Variants in KYAT3 observed in about 807,000 individuals in gnomAD.
KYAT3 encodes the protein kynurenine--oxoglutarate transaminase 3.
KYAT3 carries 50 observed loss-of-function variants against 59.0 expected under a neutral mutation model. The ratio of observed to expected loss-of-function variants is 0.85; its 90% CI spans 0.68 to 1.07. The LOEUF (loss-of-function observed/expected upper bound fraction) is 1.07, where lower values mean the gene tolerates loss of function less well. KYAT3 is among the 50% of genes least tolerant of loss of function. The pLI, the probability that KYAT3 is intolerant of heterozygous loss-of-function variation, is 0.00. For synonymous variants in KYAT3, 148 were observed against 177.0 expected (o/e 0.84, Z 1.30); for missense variants, 497 against 533.3 (o/e 0.93, Z 0.67).
At chr1:88,969,840 T>A (rs2810876) in intron 2 of KYAT3, among the ~76,000 whole-genome samples, 67,386 of 151,908 alleles carry the variant, frequency 0.44, 16,060 homozygotes, top group South Asian at 0.68. Flanking sequence ...GTATATTTTA[T>A]AGAGACAGGG....
intron 2 of KYAT3, chr1:88,979,908 A>C (rs1288197364): frequency 6.6e-6 from 1 of 152,250 alleles, no homozygotes; most frequent in Non-Finnish European, 1.5e-5. Context: ...CCCAAACTGG[A>C]AACAATCCCA....
intron 10 of KYAT3, among the ~76,000 whole-genome samples, chr1:88,951,221 C>CT (rs1158657091): frequency 2.6e-5 from 4 of 151,648 alleles, no homozygotes; most frequent in Admixed American, 6.6e-5. Context: ...CTATCAACAT[C>CT]TTTTTTTTCT....
At chr1:88,933,991 A>T (rs1263339892), downstream of KYAT3, among the ~76,000 whole-genome samples, 1 of 152,220 alleles carries the variant, frequency 6.6e-6, no homozygotes, top group African/African-American at 2.4e-5. Flanking sequence ...GATGATGCAG[A>T]CAAGTCACAG....
intron 11 of KYAT3, among the ~76,000 whole-genome samples, chr1:88,948,270 A>G (rs959235139): frequency 6.6e-6 from 1 of 152,230 alleles, no homozygotes; most frequent in Non-Finnish European, 1.5e-5. Context: ...TTTCAAGTTC[A>G]TTGGCATATA....
At chr1:88,972,084 T>C (rs1000608555) in intron 2 of KYAT3, among the ~76,000 whole-genome samples, 3 of 152,220 alleles carry the variant, frequency 2.0e-5, no homozygotes, top group African/African-American at 7.2e-5. Flanking sequence ...ACATTTATTT[T>C]AAGGAACTGG....
chr1:88,981,554 A>C (rs1330054562), intron 2 of KYAT3: 1 of 156,276 alleles, frequency 6.4e-6, no homozygotes, highest in Non-Finnish European at 1.5e-5. Context: ...CCTGAGATCC[A>C]CAGGAACCCT....
At chr1:88,957,108 T>C (rs1675953510) in intron 8 of KYAT3, among the ~76,000 whole-genome samples, 1 of 152,312 alleles carries the variant, frequency 6.6e-6, no homozygotes, top group East Asian at 1.9e-4. Context: ...AACGTATAAG[T>C]AATTTCAGTC....
At chr1:88,953,545 CAAAAAA>C (rs67537454) in intron 9 of KYAT3, among the ~76,000 whole-genome samples, 4,404 of 100,946 alleles carry the variant, frequency 0.044, 216 homozygotes, top group African/African-American at 0.14. Flanking sequence ...GACTCTATCT[CAAAAAA>C]AAAAAAAAAA....
At position 88,955,137 on chromosome 1, in the gene KYAT3, T is replaced by C; in HGVS notation, c.864+12A>G. Reference sequence around the variant, plus strand: ...GCCTATTTTTAAGCAATTAAATTCTTACTCATCTTACCTTCCAGCCAGTTA... The same window carrying C: ...GCCTATTTTTAAGCAATTAAATTCTCACTCATCTTACCTTCCAGCCAGTTA... On this transcript the variant is annotated intron_variant, in intron 9 of 13. Coordinates refer to ENST00000260508, the MANE Select transcript of KYAT3 (RefSeq NM_001008661.3). The C allele has an allele frequency of 6.4e-7, 1 of 1,554,360 alleles. No individual in the cohort carries two copies. The highest frequency in any genetic ancestry group is 8.9e-7 in the Non-Finnish European group (1 of 1,126,382).
chr1:88,943,587 G>A (rs920055874), intron 11 of KYAT3, among the ~76,000 whole-genome samples, 164 bp from the exon 12 acceptor site: 3 of 152,154 alleles, frequency 2.0e-5, no homozygotes, highest in African/African-American at 4.8e-5. Context: ...ACACTGTACG[G>A]TGGGGTGGGA....
the KYAT3 span, among the ~76,000 whole-genome samples, chr1:88,930,253 G>A: frequency 1.3e-5 from 2 of 152,182 alleles, no homozygotes; most frequent in Middle Eastern, 3.2e-3. Context: ...GACATCTCAT[G>A]ATGTGAATGG....
intron 2 of KYAT3, chr1:88,984,096 C>T (rs1557707443): frequency 4.4e-6 from 2 of 457,140 alleles, no homozygotes; most frequent in East Asian, 7.7e-5. Context: ...GAAAGTAAAA[C>T]TCAGAAGTGG....
At chr1:88,959,134 GC>G (rs1429379419) in intron 8 of KYAT3, among the ~76,000 whole-genome samples, 3 of 151,958 alleles carry the variant, frequency 2.0e-5, no homozygotes, top group Non-Finnish European at 4.4e-5. Flanking sequence ...TAAAAAATTA[GC>G]CAGATGAGGG....
intron 8 of KYAT3, among the ~76,000 whole-genome samples, chr1:88,955,433 A>G (rs1375591530): frequency 6.6e-6 from 1 of 152,152 alleles, no homozygotes. Flanking sequence ...TGTTGCACCA[A>G]GATAGTATAT....
At chr1:88,944,993 G>A (rs542289306) in intron 11 of KYAT3, among the ~76,000 whole-genome samples, 7 of 152,078 alleles carry the variant, frequency 4.6e-5, no homozygotes, top group Admixed American at 3.3e-4. Context: ...ACAGGTATGC[G>A]CCACCACACC....
rs533789101 is a variant in KYAT3 at position 88,976,980 on chromosome 1, T to C, written c.100-7513A>G. On this transcript the variant is annotated intron_variant, in intron 2 of 13. Coordinates refer to ENST00000260508, the MANE Select transcript of KYAT3 (RefSeq NM_001008661.3). ...AAGGTAAAAAGTTACAGTAGGTGAA[T>C]TGTCTTCAATTTATTATTGAAGAAG... Among the ~76,000 whole-genome samples, 92 of 152,336 alleles carry C rather than the reference T, an allele frequency of 6.0e-4. No homozygotes were observed. In the South Asian group the frequency reaches 6.6e-3, roughly 11 times the overall value.
chr1:88,925,536 T>C, the KYAT3 span, among the ~76,000 whole-genome samples: 1 of 152,160 alleles, frequency 6.6e-6, no homozygotes, highest in Non-Finnish European at 1.5e-5. Context: ...CTGGTGTCCC[T>C]CCTGATTTAG....
At chr1:88,987,343 G>A (rs1399224671) in intron 2 of KYAT3, among the ~76,000 whole-genome samples, 1 of 152,068 alleles carries the variant, frequency 6.6e-6, no homozygotes, top group Non-Finnish European at 1.5e-5. Flanking sequence ...GGTCACGGTG[G>A]CATAAAGAGG....
intron 1 of KYAT3, 96 bp from the exon 2 acceptor site, chr1:88,988,447 G>A (rs1005927621): frequency 1.7e-5 from 11 of 634,772 alleles, no homozygotes; most frequent in South Asian, 5.4e-5. Context: ...ATAAGCTTAC[G>A]TAAAATCCAA....
Sources: gnomAD v4.1 joint callset for allele counts (sites outside exome capture counted in the v4.1 genomes callset) on GRCh38, gnomAD v4.1.1 for gene constraint, MANE v1.5 for transcripts, NCBI Gene and HGNC (gene_info 2026-07-23, HGNC 2026-07-21) for gene names.